LRPPRC: variants seen among roughly 807,000 people sequenced by gnomAD.
The protein encoded by LRPPRC is leucine rich pentatricopeptide repeat containing, also known as leucine-rich PPR motif-containing protein, mitochondrial.
A neutral mutation model predicts 180.3 loss-of-function variants in LRPPRC; 120 were observed. That is an observed-to-expected ratio of 0.67 (90% confidence interval 0.57 to 0.77). LRPPRC has a LOEUF of 0.77. LRPPRC is among the 30% of genes least tolerant of loss of function. The probability of loss-of-function intolerance (pLI) is 0.00; values close to 1 mark genes in which losing one functional copy is unlikely to be tolerated. For missense variants in LRPPRC, 2,012 were observed against 1,657.2 expected, an observed-to-expected ratio of 1.21 and a Z score of -3.72; for synonymous variants, 723 against 600.0, an observed-to-expected ratio of 1.21 and a Z score of -3.00.
intron 12 of LRPPRC, among the ~76,000 whole-genome samples, chr2:43,961,401 CT>C (rs1407193656): frequency 6.6e-6 from 1 of 152,130 alleles, no homozygotes; most frequent in Non-Finnish European, 1.5e-5. Flanking sequence ...ACTATAGCCT[CT>C]GTCAAGTTAG....
At position 43,995,837 on chromosome 2, in the gene LRPPRC, G is replaced by A. The variant is rs975809121; in HGVS notation, c.111C>T (p.Ala37=). 8.3e-6 allele frequency: 12 copies of A among 1,448,964 alleles called. No homozygotes were observed. In the Admixed American group the frequency reaches 1.6e-4, roughly 20 times the overall value. The allele number at this position is 1,448,964 out of a possible 1,614,324, so 89.8% of individuals were successfully genotyped here. The change falls in exon 1 of 38, where the codon GCC becomes GCT. Residue 37 remains alanine (A), a synonymous_variant. Transcript: ENST00000260665. ...CGGCGCGAGCGGCGGGCAGATAGGA[G>A]GCGGCATGCAGCCGGCCCGGGCCGC... ...LPGGPGRLHA[A]SYLPAARAGP... is the part of the protein sequence containing the mutation.
At position 43,975,588 on chromosome 2, in the gene LRPPRC, CTTTTTTT is replaced by C. The variant is rs201011515; in HGVS notation, c.738-378_738-372del. On this transcript the variant is annotated intron_variant, in intron 6 of 37. Coordinates refer to ENST00000260665, the MANE Select transcript of LRPPRC (RefSeq NM_133259.4). The stretch of plus-strand genomic sequence containing the variant: ...TCAGATCAAGCCCAGTTTCTTTTTT[CTTTTTTT>C]TTTTTGAGATGGAGTCTTGCTCTGT... Among the ~76,000 whole-genome samples the C allele has an allele frequency of 4.2e-5, 6 of 144,350 alleles. No homozygotes were observed. The East Asian group carries it at 1.0e-3, about 24-fold the overall frequency. 94.7% of individuals were successfully genotyped at this position (144,350 alleles called of 152,430 possible). A position where few individuals can be genotyped will look rare whatever the true frequency, so the allele number is the denominator to read the frequency against.
intron 36 of LRPPRC, among the ~76,000 whole-genome samples, chr2:43,894,271 G>A (rs976911491): frequency 6.6e-6 from 1 of 152,148 alleles, no homozygotes; most frequent in Non-Finnish European, 1.5e-5. Flanking sequence ...AGGAGCCTGG[G>A]ATTCTACTCA....
At chr2:43,976,103 A>G in intron 6 of LRPPRC, 40 bp downstream of exon 6, 1 of 1,169,392 alleles carries the variant, frequency 8.6e-7, no homozygotes, top group South Asian at 1.2e-5. Context: ...CATCTCAGCC[A>G]TCTATCACTT....
At chr2:43,889,922 A>T (rs202087458) in intron 36 of LRPPRC, 46 bp from the exon 37 acceptor site, 1 of 1,451,000 alleles carries the variant, frequency 6.9e-7, no homozygotes, top group Admixed American at 1.7e-5. Flanking sequence ...AAGACAACCT[A>T]TCTTACTCTT....
At chr2:43,985,523 C>T (rs1414112887) in intron 1 of LRPPRC, among the ~76,000 whole-genome samples, 1 of 152,194 alleles carries the variant, frequency 6.6e-6, no homozygotes, top group Non-Finnish European at 1.5e-5. Context: ...CTGGCAACCA[C>T]TGATTTTTAC....
At chr2:43,935,986 G>A (rs1672263473) in intron 23 of LRPPRC, among the ~76,000 whole-genome samples, 1 of 152,180 alleles carries the variant, frequency 6.6e-6, no homozygotes, top group Non-Finnish European at 1.5e-5. Context: ...GGGGGGCTGA[G>A]GAGGGAGAAT....
intron 20 of LRPPRC, 84 bp from the exon 21 acceptor site, chr2:43,946,327 A>C: frequency 4.8e-6 from 5 of 1,041,170 alleles, no homozygotes; most frequent in Non-Finnish European, 7.5e-6. Flanking sequence ...TTCAGAGTTT[A>C]GAAAAAGTTA....
chr2:43,923,245 G>C (rs1671760275), intron 27 of LRPPRC, among the ~76,000 whole-genome samples: 1 of 148,628 alleles, frequency 6.7e-6, no homozygotes, highest in South Asian at 2.1e-4. Flanking sequence ...GTGGAAGGCT[G>C]CGGCAGGAAG....
At chr2:43,923,681 G>C (rs985020271) in intron 27 of LRPPRC, among the ~76,000 whole-genome samples, 1 of 151,114 alleles carries the variant, frequency 6.6e-6, no homozygotes, top group African/African-American at 2.4e-5. Context: ...ACAATGTCTA[G>C]CACACAGTAA....
intron 23 of LRPPRC, among the ~76,000 whole-genome samples, chr2:43,937,401 A>G (rs1672315342): frequency 6.6e-6 from 1 of 152,200 alleles, no homozygotes; most frequent in African/African-American, 2.4e-5. Flanking sequence ...TCTAATTCGG[A>G]CTTGTGGTTG....
At chr2:43,967,274 T>G (rs1673600036) in intron 11 of LRPPRC, among the ~76,000 whole-genome samples, 1 of 151,684 alleles carries the variant, frequency 6.6e-6, no homozygotes, top group Non-Finnish European at 1.5e-5. Flanking sequence ...CATGGTAATA[T>G]GAGCCTGTGG....
chr2:43,957,230 T>C (rs1230117794), intron 14 of LRPPRC, among the ~76,000 whole-genome samples, 155 bp downstream of exon 14: 3 of 152,138 alleles, frequency 2.0e-5, no homozygotes, highest in Non-Finnish European at 4.4e-5. Context: ...TTCAATGACT[T>C]AAAAGAAAAA....
rs112821056 is a variant in LRPPRC, at chr2:43,988,390, G to C, written c.150-5956C>G. ...CATCTCTACTAAAAATACAAACTTA[G>C]CCAGGCATGGTGGCGCATGCCTATA... On this transcript the variant is annotated intron_variant, in intron 1 of 37. Coordinates refer to ENST00000260665, the MANE Select transcript of LRPPRC (RefSeq NM_133259.4). Among the ~76,000 whole-genome samples, 3 of 152,018 alleles carry C rather than the reference G, an allele frequency of 2.0e-5. No individual in the cohort carries two copies. In the South Asian group the frequency reaches 6.2e-4, roughly 32 times the overall value.
Position 43,963,588 on chromosome 2 carries a change from C to T in LRPPRC, c.1488G>A (p.Gln496=). The T allele has an allele frequency of 6.4e-7, 1 of 1,557,160 alleles. No homozygotes were observed. Among genetic ancestry groups the T allele is most frequent in the Non-Finnish European group, 8.9e-7 (1 of 1,128,418 alleles). ...DSVNSARAIL[Q]ENGCLSDSDM... is the part of the protein sequence containing the mutation. ...AAATTAAAACCACACTTGTACTCAC[C>T]TGCAAAATGGCTCGTGCTGAGTTTA... is the stretch of plus-strand genomic sequence containing the variant. The change falls in exon 12 of 38, where the codon CAG becomes CAA. Residue 496 remains glutamine (Q), a splice_region_variant and synonymous_variant. Coordinates refer to ENST00000260665, the MANE Select transcript of LRPPRC (RefSeq NM_133259.4).
Position 43,934,760 on chromosome 2 carries a change from G to A in LRPPRC, c.2623C>T (p.Gln875Ter). 1 of 1,612,558 alleles carries A rather than the reference G, an allele frequency of 6.2e-7. No homozygotes were observed. Among genetic ancestry groups the A allele is most frequent in the Non-Finnish European group, 8.5e-7 (1 of 1,178,748 alleles). The change falls in exon 24 of 38, where the codon CAG becomes TAG. Residue 875 changes from glutamine to a stop codon, truncating the protein, a stop_gained. Transcript: ENST00000260665. LOFTEE classifies it high-confidence loss of function. ...LVEKGETDLI[Q>*]KAMDFVSQEQ... Reference sequence around the variant, plus strand: ...ATACTAGAAAGTGACTCACCTTTCTGAATTAGATCAGTCTCGCCTTTCTCT... The same window carrying A: ...ATACTAGAAAGTGACTCACCTTTCTAAATTAGATCAGTCTCGCCTTTCTCT...
At chr2:43,968,703 G>C (rs780867570) in intron 11 of LRPPRC, among the ~76,000 whole-genome samples, 5 of 152,220 alleles carry the variant, frequency 3.3e-5, no homozygotes, top group African/African-American at 7.2e-5. Context: ...CAGAAAGTAG[G>C]ACAGCAGTTG....
intron 13 of LRPPRC, chr2:43,959,120 A>T: frequency 1.5e-6 from 1 of 684,614 alleles, no homozygotes; most frequent in Non-Finnish European, 2.7e-6. Flanking sequence ...AGTGGAATGG[A>T]TGATATGATA....
In LRPPRC at chr2:43,966,023, A is replaced by G. The variant is rs146177718; in HGVS notation, c.1370-2317T>C. On this transcript the variant is annotated intron_variant, in intron 11 of 37. Transcript: ENST00000260665. ...CACTATCTTGAAGAAACATTTGTTC[A>G]TCCCAGCATTATTCACAGTACCCAA... 3.7e-3 allele frequency among the ~76,000 whole-genome samples: 569 copies of G among 152,354 alleles called. 4 individuals carry two copies. The highest frequency in any genetic ancestry group is 7.5e-3 in the South Asian group (36 of 4,830).
Sources: gnomAD v4.1 joint callset for allele counts (sites outside exome capture counted in the v4.1 genomes callset) on GRCh38, gnomAD v4.1.1 for gene constraint, MANE v1.5 for transcripts, NCBI Gene and HGNC (gene_info 2026-07-23, HGNC 2026-07-21) for gene names.